Variants in EPHB1 observed in about 807,000 individuals in gnomAD.
EPHB1 encodes ephrin type-B receptor 1.
Under a neutral mutation model 94.4 loss-of-function variants are expected in EPHB1, and 30 were observed. The observed-to-expected ratio is 0.32, with a 90% CI of 0.24 to 0.43. EPHB1 has a LOEUF of 0.43. Among genes scored for constraint, EPHB1 ranks in the 20% least tolerant of loss-of-function variants. The pLI is 1.00. For synonymous variants in EPHB1, 522 were observed against 489.1 expected (o/e 1.07, Z -0.89); for missense variants, 1,055 against 1,308.3 (o/e 0.81, Z 2.99).
intron 5 of EPHB1, among the ~76,000 whole-genome samples, chr3:135,139,127 AG>A (rs1940723310): frequency 1.3e-5 from 2 of 152,222 alleles, no homozygotes; most frequent in African/African-American, 4.8e-5. Flanking sequence ...CCCACAGATG[AG>A]CATTAGTATG....
chr3:135,097,514 T>C (rs1479573154), intron 3 of EPHB1, among the ~76,000 whole-genome samples: 1 of 152,122 alleles, frequency 6.6e-6, no homozygotes, highest in Non-Finnish European at 1.5e-5. Context: ...ACCAGTGATC[T>C]CCCCATTTTA....
intron 3 of EPHB1, among the ~76,000 whole-genome samples, chr3:134,989,266 A>G (rs775132419): frequency 5.3e-5 from 8 of 152,204 alleles, no homozygotes; most frequent in Non-Finnish European, 1.2e-4. Context: ...AACATTACAA[A>G]TGCCTTATTG....
At chr3:135,106,094 C>A (rs1939208883) in intron 3 of EPHB1, among the ~76,000 whole-genome samples, 1 of 152,136 alleles carries the variant, frequency 6.6e-6, no homozygotes, top group Non-Finnish European at 1.5e-5. Context: ...GGATGTTAAC[C>A]AGGTAGACAG....
chr3:135,105,969 G>A (rs538056286), intron 3 of EPHB1, among the ~76,000 whole-genome samples: 46 of 152,292 alleles, frequency 3.0e-4, no homozygotes, highest in African/African-American at 1.1e-3. Context: ...CATGTGTGCT[G>A]CAACATGGCA....
intron 3 of EPHB1, among the ~76,000 whole-genome samples, chr3:134,992,239 C>A (rs1250367144): frequency 1.3e-5 from 2 of 152,164 alleles, no homozygotes; most frequent in East Asian, 3.9e-4. Flanking sequence ...ATCCAGGGAG[C>A]AGGCGGGCTG....
At chr3:135,163,874 G>A (rs6772842) in intron 7 of EPHB1, among the ~76,000 whole-genome samples, 1,646 of 152,252 alleles carry the variant, frequency 0.011, 23 homozygotes, top group African/African-American at 0.038. Flanking sequence ...GGGGCAGCAG[G>A]CCTGTCTGCA....
chr3:134,999,318 G>A (rs1402675888), intron 3 of EPHB1, among the ~76,000 whole-genome samples: 1 of 152,170 alleles, frequency 6.6e-6, no homozygotes, highest in African/African-American at 2.4e-5. Flanking sequence ...ATATCTTAAG[G>A]GAAGGTGATT....
At chr3:135,232,942 T>C (rs1341856536) in intron 12 of EPHB1, among the ~76,000 whole-genome samples, 3 of 152,184 alleles carry the variant, frequency 2.0e-5, no homozygotes, top group South Asian at 2.1e-4. Context: ...GAAGGGTAAC[T>C]GCCTCCATGA....
intron 4 of EPHB1, among the ~76,000 whole-genome samples, chr3:135,108,635 C>T (rs1466373590): frequency 2.6e-5 from 4 of 152,152 alleles, no homozygotes; most frequent in East Asian, 1.9e-4. Context: ...AGGAGGGTGG[C>T]TTAGAGAGCT....
chr3:135,103,119 G>C (rs2107797516), intron 3 of EPHB1, among the ~76,000 whole-genome samples: 1 of 151,690 alleles, frequency 6.6e-6, no homozygotes, highest in Middle Eastern at 3.4e-3. Flanking sequence ...TTCTGCACAT[G>C]TATCCCACAA....
intron 3 of EPHB1, among the ~76,000 whole-genome samples, chr3:135,048,757 G>A (rs780222081): frequency 1.3e-5 from 2 of 152,212 alleles, no homozygotes; most frequent in Non-Finnish European, 2.9e-5. Context: ...AGGGCTGAGT[G>A]GACTTTGCTA....
intron 1 of EPHB1, among the ~76,000 whole-genome samples, chr3:134,904,465 G>A (rs931931174): frequency 1.8e-5 from 2 of 108,298 alleles, no homozygotes; most frequent in African/African-American, 1.1e-4. Flanking sequence ...GGGCCAGTGT[G>A]TCTGTGGTCT....
chr3:134,875,695 G>T (rs902488860), intron 1 of EPHB1, among the ~76,000 whole-genome samples: 3 of 152,140 alleles, frequency 2.0e-5, no homozygotes, highest in Non-Finnish European at 4.4e-5. Context: ...ACCATAGATC[G>T]CTGTACCTAA....
chr3:135,041,003 G>A (rs1936817153), intron 3 of EPHB1, among the ~76,000 whole-genome samples: 1 of 152,130 alleles, frequency 6.6e-6, no homozygotes, highest in Admixed American at 6.5e-5. Context: ...GGCTCAGCTA[G>A]GACTTTATTT....
intron 1 of EPHB1, among the ~76,000 whole-genome samples, chr3:134,831,012 C>T (rs2036572170): frequency 6.6e-6 from 1 of 152,196 alleles, no homozygotes; most frequent in African/African-American, 2.4e-5. Flanking sequence ...ACAATGACTT[C>T]CTACTGTCAT....
intron 3 of EPHB1, among the ~76,000 whole-genome samples, chr3:134,980,035 C>T (rs1208917998): frequency 1.3e-5 from 2 of 152,196 alleles, no homozygotes; most frequent in African/African-American, 4.8e-5. Context: ...CATAGCAAAA[C>T]ACCTCAATGG....
intron 1 of EPHB1, among the ~76,000 whole-genome samples, chr3:134,819,974 T>C (rs959844992): frequency 9.2e-5 from 14 of 152,230 alleles, no homozygotes; most frequent in Admixed American, 8.5e-4. Flanking sequence ...CCAAATTTTT[T>C]AGCCCACAAG....
chr3:135,069,723 T>C (rs1937641784), intron 3 of EPHB1, among the ~76,000 whole-genome samples: 1 of 152,132 alleles, frequency 6.6e-6, no homozygotes, highest in Admixed American at 6.5e-5. Context: ...CACAGGCCAC[T>C]CACTGAACCA....
At chr3:135,197,985 C>T (rs1942667010) in intron 11 of EPHB1, among the ~76,000 whole-genome samples, 1 of 152,164 alleles carries the variant, frequency 6.6e-6, no homozygotes, top group African/African-American at 2.4e-5. Context: ...ATTCAGCAGA[C>T]ATGACCCTAC....
Sources: gnomAD v4.1 joint callset for allele counts (sites outside exome capture counted in the v4.1 genomes callset) on GRCh38, gnomAD v4.1.1 for gene constraint, MANE v1.5 for transcripts, NCBI Gene and HGNC (gene_info 2026-07-23, HGNC 2026-07-21) for gene names.